NOS2: variants seen among roughly 807,000 people sequenced by gnomAD.
NOS2 encodes nitric oxide synthase, inducible.
A neutral mutation model predicts 136.0 loss-of-function variants in NOS2; 96 were observed. The observed-to-expected ratio is 0.71, with a 90% CI of 0.60 to 0.84. NOS2 has a LOEUF of 0.84. Among genes scored for constraint, NOS2 ranks in the 40% least tolerant of loss-of-function variants. NOS2 has a pLI of 0.00. For synonymous variants in NOS2, 539 were observed against 587.5 expected (o/e 0.92, Z 1.20); for missense variants, 1,237 against 1,496.9 (o/e 0.83, Z 2.87).
chr17:27,788,186 G>C (rs1169287458), intron 4 of NOS2, among the ~76,000 whole-genome samples: 2 of 103,476 alleles, frequency 1.9e-5, no homozygotes, highest in Non-Finnish European at 3.8e-5. Context: ...ACATAGGAAG[G>C]CACACGCGTG....
chr17:27,780,915 C>G lies in NOS2; in HGVS notation c.865-9G>C. 2 of 1,609,530 alleles carry G rather than the reference C, an allele frequency of 1.2e-6. No individual in the cohort carries two copies. The highest frequency in any genetic ancestry group is 8.5e-7 in the Non-Finnish European group (1 of 1,177,684). Reference sequence around the variant, plus strand: ...CCCAGGTCGATGCACAGCTGGGGAACAAGACGGGCCCTGTGAGTCTGTAAG... The same window carrying G: ...CCCAGGTCGATGCACAGCTGGGGAAGAAGACGGGCCCTGTGAGTCTGTAAG... On this transcript the variant is annotated splice_polypyrimidine_tract_variant and intron_variant, in intron 8 of 26. Transcript: ENST00000313735.
At chr17:27,796,382 G>A (rs999559204) in intron 2 of NOS2, among the ~76,000 whole-genome samples, 5 of 152,162 alleles carry the variant, frequency 3.3e-5, no homozygotes, top group Admixed American at 6.5e-5. Context: ...CCTGGCAGGT[G>A]GAGGTTGCAG....
Position 27,781,197 on chromosome 17 carries a change from T to C in NOS2, c.723-20A>G. 6.3e-7 allele frequency: 1 copy of C among 1,598,058 alleles called. No individual in the cohort carries two copies. The highest frequency in any genetic ancestry group is 1.1e-5 in the South Asian group (1 of 90,404). On this transcript the variant is annotated intron_variant, in intron 7 of 26. Transcript: ENST00000313735. Reference sequence around the variant, plus strand: ...GCCGACCTTCCCAGGACAGGAACAGTACTGTTTACCACCTAGCCCTGGTGG... The same window carrying C: ...GCCGACCTTCCCAGGACAGGAACAGCACTGTTTACCACCTAGCCCTGGTGG...
chr17:27,769,255 C>A, intron 16 of NOS2, 104 bp from the exon 17 acceptor site: 2 of 1,184,382 alleles, frequency 1.7e-6, no homozygotes, highest in Non-Finnish European at 2.3e-6. Context: ...CTCTCCCCCT[C>A]CAGCTGGAGA....
rs532030067 is a variant in NOS2 at position 27,792,689 on chromosome 17, G to A, written c.111-3001C>T. On this transcript the variant is annotated intron_variant, in intron 2 of 26. Coordinates refer to ENST00000313735, the MANE Select transcript of NOS2 (RefSeq NM_000625.4). ...CCTCAAGGACCTGCATTCAAAGAGA[G>A]TGCTGGCAGCTGGGCGCGGTGGCTG... Among the ~76,000 whole-genome samples, 4 of 152,062 alleles carry A rather than the reference G, an allele frequency of 2.6e-5. No homozygotes were observed. The South Asian group carries it at 8.3e-4, about 32-fold the overall frequency.
chr17:27,772,269 CA>C (rs779088654), intron 14 of NOS2, 38 bp downstream of exon 14: 1 of 1,612,688 alleles, frequency 6.2e-7, no homozygotes, highest in Non-Finnish European at 8.5e-7. Flanking sequence ...CCCCTGCACA[CA>C]AGCAGAAAAA....
Position 27,798,800 on chromosome 17 carries a change from G to A in NOS2, c.10C>T (p.Pro4Ser). Residue 4 changes from proline to serine, a missense_variant, in exon 2 of 27, where the codon CCT (proline) becomes TCT (serine). Around this residue, in one of 3 missense-constraint regions of NOS2, gnomAD observed 440 missense variants for 545.4 expected, o/e 0.81. Coordinates refer to ENST00000313735, the MANE Select transcript of NOS2 (RefSeq NM_000625.4). ...TTGGTCTTGAACAGAAATTTCCAAG[G>A]ACAGGCCATCTCTATGGCTTTACAA... MAC[P>S]WKFLFKTKFH... 1 of 1,608,356 alleles carries A rather than the reference G, an allele frequency of 6.2e-7. No individual in the cohort carries two copies.
intron 2 of NOS2, among the ~76,000 whole-genome samples, chr17:27,795,128 C>T (rs910579340): frequency 3.9e-5 from 6 of 152,226 alleles, no homozygotes; most frequent in Admixed American, 2.0e-4. Context: ...TTCTCCAACT[C>T]GCATTCTTCA....
In NOS2 at chr17:27,760,163, C is replaced by G. The variant is rs762167122; in HGVS notation, c.3026G>C (p.Arg1009Pro). Residue 1009 changes from arginine to proline, a missense_variant, in exon 25 of 27, where the codon CGC (arginine) becomes CCC (proline). Around this residue, in one of 3 missense-constraint regions of NOS2, gnomAD observed 782 missense variants for 909.9 expected, o/e 0.86. Coordinates refer to ENST00000313735, the MANE Select transcript of NOS2 (RefSeq NM_000625.4). ...GCGGCACCCAAACACCAAGGTCATG[C>G]GGCCTCCCCGCACTCCTGCAGGAGT... ...DSQHKGVRGG[R>P]MTLVFGCRRP... 4 of 1,580,408 alleles carry G rather than the reference C, an allele frequency of 2.5e-6. No homozygotes were observed. Among genetic ancestry groups the G allele is most frequent in the Non-Finnish European group, 3.4e-6 (4 of 1,164,948 alleles).
At chr17:27,789,801 T>G in intron 2 of NOS2, 113 bp from the exon 3 acceptor site, 2 of 713,792 alleles carry the variant, frequency 2.8e-6, no homozygotes, top group Middle Eastern at 2.5e-4. Context: ...GTCCAGAGGG[T>G]GGGAGTGAAT....
chr17:27,796,959 G>A (rs1342123551), intron 2 of NOS2, among the ~76,000 whole-genome samples: 3 of 152,152 alleles, frequency 2.0e-5, no homozygotes, highest in Admixed American at 6.5e-5. Flanking sequence ...ACCACAGCTA[G>A]ACTGTCCTGC....
chr17:27,784,170 C>A (rs3794761), intron 5 of NOS2, among the ~76,000 whole-genome samples: 37,980 of 150,714 alleles, frequency 0.25, 4,957 homozygotes, highest in Middle Eastern at 0.39. Context: ...ACTACCACCA[C>A]CACCAACAAC....
chr17:27,786,271 A>T (rs1909022171), intron 5 of NOS2, among the ~76,000 whole-genome samples: 1 of 152,006 alleles, frequency 6.6e-6, no homozygotes, highest in South Asian at 2.1e-4. Flanking sequence ...AAATAAAAAA[A>T]AAAAATTAGC....
chr17:27,759,977 TCA>T, intron 25 of NOS2, 51 bp downstream of exon 25: 2 of 1,438,822 alleles, frequency 1.4e-6, no homozygotes, highest in Non-Finnish European at 1.8e-6. Context: ...GACCCAGGGC[TCA>T]CAGTGGAGCT....
At chr17:27,763,386 T>C (rs1009966379) in intron 21 of NOS2, among the ~76,000 whole-genome samples, 17 of 152,212 alleles carry the variant, frequency 1.1e-4, no homozygotes, top group African/African-American at 3.6e-4. Context: ...GTATTGCCTG[T>C]CTTGTGGGGA....
intron 2 of NOS2, among the ~76,000 whole-genome samples, chr17:27,795,442 T>C (rs1018122787): frequency 6.6e-6 from 1 of 152,218 alleles, no homozygotes; most frequent in Admixed American, 6.5e-5. Context: ...CAGTGGTGTA[T>C]GTAAGTAATA....
chr17:27,773,249 G>C lies in NOS2; in HGVS notation c.1477-6C>G. 1 of 1,610,758 alleles carries C rather than the reference G, an allele frequency of 6.2e-7. No homozygotes were observed. Among genetic ancestry groups the C allele is most frequent in the Non-Finnish European group, 8.5e-7 (1 of 1,177,440 alleles). ...TGGGTTTTCCAGGCCTCTACCTTCA[G>C]AAAAGAAAGGAGATGTGAGGGCAGG... On this transcript the variant is annotated splice_region_variant and splice_polypyrimidine_tract_variant and intron_variant, in intron 12 of 26. Transcript: ENST00000313735.
intron 17 of NOS2, 145 bp downstream of exon 17, chr17:27,768,832 T>C: frequency 2.3e-6 from 2 of 855,240 alleles, no homozygotes. Context: ...AGCCCTCAGG[T>C]TTGTGGCCCT....
intron 22 of NOS2, 144 bp downstream of exon 22, chr17:27,762,654 A>G: frequency 1.6e-6 from 1 of 619,404 alleles, no homozygotes; most frequent in Middle Eastern, 4.2e-4. Context: ...TCTCTCCCAC[A>G]CACCTCCTAA....
Sources: allele counts gnomAD v4.1 joint callset (sites outside exome capture counted in the v4.1 genomes callset), GRCh38; gene constraint gnomAD v4.1.1; regional missense constraint gnomAD v4.1.1; transcripts MANE v1.5; gene names NCBI Gene and HGNC (gene_info 2026-07-23, HGNC 2026-07-21).